The following MYO16 variants were observed in gnomAD, a reference collection of about 807,000 sequenced individuals.
MYO16 encodes myosin XVI, also known as unconventional myosin-XVI.
A neutral mutation model predicts 205.3 loss-of-function variants in MYO16; 94 were observed. The ratio of observed to expected loss-of-function variants is 0.46; its 90% confidence interval spans 0.39 to 0.54. The LOEUF is 0.54. Among genes scored for constraint, MYO16 ranks in the 20% least tolerant of loss-of-function variants. The pLI, the probability that MYO16 is intolerant of heterozygous loss-of-function variation, is 0.00. For synonymous variants in MYO16, 988 were observed against 954.0 expected (o/e 1.04, Z -0.66); for missense variants, 2,315 against 2,387.5 (o/e 0.97, Z 0.63).
At chr13:108,518,854 C>G in the MYO16 span, among the ~76,000 whole-genome samples, 1 of 151,966 alleles carries the variant, frequency 6.6e-6, no homozygotes, top group African/African-American at 2.4e-5. Context: ...GGGGTACTTA[C>G]TGAGAAAAAA....
chr13:108,998,585 A>G (rs1885112368), intron 21 of MYO16, among the ~76,000 whole-genome samples: 1 of 152,218 alleles, frequency 6.6e-6, no homozygotes, highest in South Asian at 2.1e-4. Context: ...ACTTAATGAC[A>G]CACATAAACA....
chr13:108,740,402 C>T (rs949395777), intron 4 of MYO16, among the ~76,000 whole-genome samples: 3 of 152,158 alleles, frequency 2.0e-5, no homozygotes, highest in African/African-American at 7.2e-5. Context: ...GAGGTTCACT[C>T]CAGACCCTAT....
chr13:108,935,169 C>T (rs918236146), intron 16 of MYO16, among the ~76,000 whole-genome samples: 1 of 151,900 alleles, frequency 6.6e-6, no homozygotes, highest in African/African-American at 2.4e-5. Context: ...TGACATTGGT[C>T]GTTTAATAGG....
chr13:108,571,089 GA>G, the MYO16 span, among the ~76,000 whole-genome samples: 7,957 of 151,616 alleles, frequency 0.052, 310 homozygotes, highest in Admixed American at 0.11. Flanking sequence ...AGAAGAAAAA[GA>G]AAAAAAAGAT....
At chr13:108,625,735 C>G (rs1879710848), upstream of MYO16, among the ~76,000 whole-genome samples, 1 of 152,170 alleles carries the variant, frequency 6.6e-6, no homozygotes, top group African/African-American at 2.4e-5. Flanking sequence ...ATTTGCATAA[C>G]AAAAAACTGT....
intron 16 of MYO16, among the ~76,000 whole-genome samples, chr13:108,936,152 C>T (rs1473499632): frequency 1.4e-5 from 2 of 140,490 alleles, no homozygotes; most frequent in African/African-American, 5.2e-5. Flanking sequence ...TTCCTTCTTT[C>T]CTTCCTTTCT....
chr13:108,520,982 T>C, the MYO16 span, among the ~76,000 whole-genome samples: 2 of 152,114 alleles, frequency 1.3e-5, no homozygotes, highest in Non-Finnish European at 2.9e-5. Context: ...ATCTCTCTTT[T>C]TCCTTCTTTC....
At chr13:108,777,148 G>T (rs1886149270) in intron 4 of MYO16, among the ~76,000 whole-genome samples, 1 of 151,952 alleles carries the variant, frequency 6.6e-6, no homozygotes, top group South Asian at 2.1e-4. Flanking sequence ...TTAAGAATTT[G>T]CCCTAGGCCG....
chr13:108,873,604 T>G (rs67238249), intron 12 of MYO16, among the ~76,000 whole-genome samples: 16,956 of 151,790 alleles, frequency 0.11, 1,165 homozygotes, highest in South Asian at 0.27. Flanking sequence ...ACAGGGTCCA[T>G]GCCAACCACC....
intron 15 of MYO16, 113 bp from the exon 16 acceptor site, chr13:108,909,890 A>C: frequency 9.1e-7 from 1 of 1,096,022 alleles, no homozygotes; most frequent in Non-Finnish European, 1.3e-6. Context: ...AATAGATGGG[A>C]AAGGGAGAAC....
intron 1 of MYO16, among the ~76,000 whole-genome samples, chr13:108,617,810 G>A (rs1278399082): frequency 6.6e-6 from 1 of 152,088 alleles, no homozygotes; most frequent in Non-Finnish European, 1.5e-5. Flanking sequence ...CCCAATAGAT[G>A]TACTTATTTA....
chr13:108,661,252 C>A (rs905692581), intron 1 of MYO16, among the ~76,000 whole-genome samples: 1 of 152,156 alleles, frequency 6.6e-6, no homozygotes, highest in Admixed American at 6.5e-5. Context: ...AACCTGATGA[C>A]AATGTGCCTA....
chr13:109,113,026 A>G (rs1453395621), intron 28 of MYO16, among the ~76,000 whole-genome samples: 1 of 152,224 alleles, frequency 6.6e-6, no homozygotes, highest in Non-Finnish European at 1.5e-5. Flanking sequence ...TATACAAGGT[A>G]CACTAGTGAC....
At chr13:108,533,014 G>A in the MYO16 span, among the ~76,000 whole-genome samples, 4 of 151,988 alleles carry the variant, frequency 2.6e-5, no homozygotes, top group African/African-American at 9.7e-5. Flanking sequence ...AGGAAGAAAA[G>A]GTATGGTTTG....
At chr13:108,745,588 T>C (rs184110874) in intron 4 of MYO16, among the ~76,000 whole-genome samples, 1 of 152,258 alleles carries the variant, frequency 6.6e-6, no homozygotes, top group East Asian at 1.9e-4. Context: ...AGACTCTCAC[T>C]TCCTAGACCT....
At chr13:108,594,761 C>T (rs563847188), upstream of MYO16, among the ~76,000 whole-genome samples, 9 of 152,236 alleles carry the variant, frequency 5.9e-5, no homozygotes, top group Admixed American at 3.3e-4. Flanking sequence ...TGTTGCTGAG[C>T]GAATGACAGG....
intron 1 of MYO16, among the ~76,000 whole-genome samples, chr13:108,648,840 C>A (rs2139396036): frequency 6.6e-6 from 1 of 152,076 alleles, no homozygotes; most frequent in Admixed American, 6.6e-5. Context: ...ATCTGAATGC[C>A]AGTGGCTTCA....
intron 4 of MYO16, among the ~76,000 whole-genome samples, chr13:108,767,922 A>G (rs1057196747): frequency 2.0e-5 from 3 of 152,150 alleles, no homozygotes; most frequent in Non-Finnish European, 4.4e-5. Context: ...TGTAGCAACA[A>G]TTTGTTAGCT....
At chr13:108,503,258 G>A in the MYO16 span, among the ~76,000 whole-genome samples, 1 of 152,104 alleles carries the variant, frequency 6.6e-6, no homozygotes, top group Non-Finnish European at 1.5e-5. Context: ...GTGAATATGT[G>A]GAAAACCCCC....
Sources: gnomAD v4.1 joint callset for allele counts (sites outside exome capture counted in the v4.1 genomes callset) on GRCh38, gnomAD v4.1.1 for gene constraint, MANE v1.5 for transcripts, NCBI Gene and HGNC (gene_info 2026-07-23, HGNC 2026-07-21) for gene names.